Variants in NDUFAF2 observed in about 807,000 individuals in gnomAD.
NDUFAF2 encodes the protein NADH:ubiquinone oxidoreductase complex assembly factor 2.
A neutral mutation model predicts 22.8 loss-of-function variants in NDUFAF2; 13 were observed. The observed-to-expected ratio is 0.57, with a 90% CI of 0.37 to 0.91. The LOEUF is 0.91. Among genes scored for constraint, NDUFAF2 ranks in the 40% least tolerant of loss-of-function variants. The probability of loss-of-function intolerance (pLI) is 0.01; values close to 1 mark genes in which losing one functional copy is unlikely to be tolerated. For synonymous variants in NDUFAF2, 53 were observed against 64.2 expected, an observed-to-expected ratio of 0.83 and a Z score of 0.84; for missense variants, 162 against 195.2, an observed-to-expected ratio of 0.83 and a Z score of 1.01.
At chr5:60,971,636 C>T (rs1369507428) in intron 1 of NDUFAF2, among the ~76,000 whole-genome samples, 13 of 150,072 alleles carry the variant, frequency 8.7e-5, no homozygotes, top group Non-Finnish European at 1.6e-4. Context: ...TGACAGGCCC[C>T]GGTGTGTGGT....
At chr5:61,106,680 AC>A (rs202011706) in intron 3 of NDUFAF2, among the ~76,000 whole-genome samples, 2 of 146,830 alleles carry the variant, frequency 1.4e-5, no homozygotes, top group African/African-American at 5.1e-5. Context: ...AACCATTCCC[AC>A]CCCCCCTAAC....
At chr5:60,945,493 T>TCG in intron 1 of NDUFAF2, 111 bp downstream of exon 1, 1 of 1,472,532 alleles carries the variant, frequency 6.8e-7, no homozygotes, top group Non-Finnish European at 9.4e-7. Context: ...ACTTAGGGTG[T>TCG]CACCGGAGAG....
chr5:60,958,260 T>A (rs190361885), intron 1 of NDUFAF2, among the ~76,000 whole-genome samples: 74 of 152,310 alleles, frequency 4.9e-4, no homozygotes, highest in African/African-American at 1.7e-3. Flanking sequence ...TAATGGTACC[T>A]TTGTTTTCTA....
intron 1 of NDUFAF2, among the ~76,000 whole-genome samples, chr5:60,961,184 G>T (rs1409249819): frequency 6.6e-6 from 1 of 152,138 alleles, no homozygotes; most frequent in Admixed American, 6.5e-5. Context: ...ACTTGGTCAG[G>T]CATGGTGGTT....
intron 1 of NDUFAF2, among the ~76,000 whole-genome samples, chr5:60,971,605 C>G (rs1321517014): frequency 7.1e-6 from 1 of 140,002 alleles, no homozygotes; most frequent in Non-Finnish European, 1.6e-5. Context: ...AATGCTATCC[C>G]TCCCCCCTCC....
intron 1 of NDUFAF2, among the ~76,000 whole-genome samples, chr5:61,026,057 G>A (rs1751645671): frequency 6.6e-6 from 1 of 152,018 alleles, no homozygotes. Context: ...CTATTTTGCT[G>A]CAACTGAAAT....
At chr5:61,064,329 G>T (rs569892606) in intron 1 of NDUFAF2, among the ~76,000 whole-genome samples, 1 of 152,126 alleles carries the variant, frequency 6.6e-6, no homozygotes, top group South Asian at 2.1e-4. Flanking sequence ...TTCAAAAATG[G>T]GCAGATTAAT....
intron 2 of NDUFAF2, among the ~76,000 whole-genome samples, chr5:61,081,123 G>A (rs1415087889): frequency 6.6e-6 from 1 of 152,096 alleles, no homozygotes; most frequent in African/African-American, 2.4e-5. Flanking sequence ...ACCTTTGTCA[G>A]ACATCAATTG....
chr5:61,076,148 G>C (rs1752366945), intron 2 of NDUFAF2, among the ~76,000 whole-genome samples: 1 of 152,152 alleles, frequency 6.6e-6, no homozygotes, highest in African/African-American at 2.4e-5. Flanking sequence ...TTGGCTCACT[G>C]CAGGCTCCAC....
chr5:61,122,187 C>G (rs59292447), intron 3 of NDUFAF2, among the ~76,000 whole-genome samples: 19,956 of 152,126 alleles, frequency 0.13, 1,490 homozygotes, highest in African/African-American at 0.2. Flanking sequence ...CCAGCCTACC[C>G]TGCAAATTTG....
chr5:61,012,036 C>T (rs996103010), intron 1 of NDUFAF2, among the ~76,000 whole-genome samples: 10 of 152,126 alleles, frequency 6.6e-5, no homozygotes, highest in African/African-American at 2.2e-4. Flanking sequence ...ACTCAATTAA[C>T]GTCTTTAAAG....
intron 1 of NDUFAF2, among the ~76,000 whole-genome samples, chr5:61,057,019 A>G (rs1752109296): frequency 6.9e-6 from 1 of 145,250 alleles, no homozygotes. Flanking sequence ...TACTGCTGGT[A>G]ATTGGCCTCA....
At chr5:60,970,815 T>G (rs964539375) in intron 1 of NDUFAF2, among the ~76,000 whole-genome samples, 1 of 152,178 alleles carries the variant, frequency 6.6e-6, no homozygotes, top group Non-Finnish European at 1.5e-5. Flanking sequence ...TCTCCATTAT[T>G]GAGATGTAAA....
At chr5:61,144,014 C>A (rs1741096026) in intron 3 of NDUFAF2, among the ~76,000 whole-genome samples, 1 of 139,598 alleles carries the variant, frequency 7.2e-6, no homozygotes. Flanking sequence ...GTGTGTTCAA[C>A]CTGCCTTTTT....
intron 3 of NDUFAF2, among the ~76,000 whole-genome samples, chr5:61,107,090 C>CACACACACACACACACACACACAT (rs918380662): frequency 1.8e-4 from 26 of 146,154 alleles, no homozygotes; most frequent in African/African-American, 6.9e-4. Context: ...CACACACACA[C>CACACACACACACACACACACACAT]ATATATGCCT....
chr5:60,988,109 A>G (rs987589830), intron 1 of NDUFAF2, among the ~76,000 whole-genome samples: 3 of 152,200 alleles, frequency 2.0e-5, no homozygotes, highest in Non-Finnish European at 4.4e-5. Flanking sequence ...TCAATGTACA[A>G]AAATTAGTAG....
chr5:60,948,913 A>G (rs1191323352), intron 1 of NDUFAF2, among the ~76,000 whole-genome samples: 1 of 152,160 alleles, frequency 6.6e-6, no homozygotes, highest in Non-Finnish European at 1.5e-5. Flanking sequence ...CCAGGAGTGT[A>G]TGAGATTTCC....
intron 1 of NDUFAF2, among the ~76,000 whole-genome samples, chr5:61,030,316 A>C (rs979012798): frequency 6.6e-6 from 1 of 152,126 alleles, no homozygotes; most frequent in African/African-American, 2.4e-5. Context: ...TGGGCATGAC[A>C]AGGAGGGAAC....
At chr5:61,003,374 A>G (rs969640817) in intron 1 of NDUFAF2, among the ~76,000 whole-genome samples, 2 of 152,014 alleles carry the variant, frequency 1.3e-5, no homozygotes, top group African/African-American at 4.8e-5. Flanking sequence ...TTTCTTTTTT[A>G]TTACTATCAA....
Sources: gnomAD v4.1 joint callset for allele counts (sites outside exome capture counted in the v4.1 genomes callset) on GRCh38, gnomAD v4.1.1 for gene constraint, MANE v1.5 for transcripts, NCBI Gene and HGNC (gene_info 2026-07-23, HGNC 2026-07-21) for gene names.